Variants in INPP5K observed in about 807,000 individuals in gnomAD.
INPP5K encodes the protein inositol polyphosphate-5-phosphatase K.
A neutral mutation model predicts 53.5 loss-of-function variants in INPP5K; 35 were observed. The ratio of observed to expected loss-of-function variants is 0.65; its 90% CI spans 0.50 to 0.87. The LOEUF (loss-of-function observed/expected upper bound fraction) is 0.87. Ranked by LOEUF, INPP5K falls within the 40% of genes least tolerant of loss-of-function variation. INPP5K has a pLI of 0.00. For missense variants in INPP5K, 550 were observed against 586.2 expected (o/e 0.94, Z 0.64); for synonymous variants, 253 against 232.8 (o/e 1.09, Z -0.79).
chr17:1,495,922 C>T (rs778357769), intron 11 of INPP5K, 43 bp from the exon 12 acceptor site: 9 of 1,546,832 alleles, frequency 5.8e-6, no homozygotes, highest in Admixed American at 5.1e-5. Context: ...AGCGGGTCTT[C>T]CTCCGTGCTT....
At chr17:1,501,173 TG>T (rs2075003359) in intron 7 of INPP5K, among the ~76,000 whole-genome samples, 1 of 152,106 alleles carries the variant, frequency 6.6e-6, no homozygotes, top group Non-Finnish European at 1.5e-5. Context: ...CTGGCCAGGC[TG>T]GTCTTGAACT....
rs186508346 is a variant in INPP5K at position 1,501,104 on chromosome 17, G to A, written c.777-2982C>T. On this transcript the variant is annotated intron_variant, in intron 7 of 11. Coordinates refer to ENST00000421807, the MANE Select transcript of INPP5K (RefSeq NM_016532.4). ...CTCCCAAGTAGCTGGGATTATAGGC[G>A]TTGAGCCACCATGCCCAGCTAATTT... Among the ~76,000 whole-genome samples, 6 of 151,948 alleles carry A rather than the reference G, an allele frequency of 3.9e-5. No individual in the cohort carries two copies. In the East Asian group the frequency reaches 5.8e-4, roughly 15 times the overall value.
At chr17:1,512,544 G>T (rs142879527) in intron 3 of INPP5K, among the ~76,000 whole-genome samples, 2 of 152,310 alleles carry the variant, frequency 1.3e-5, no homozygotes, top group South Asian at 2.1e-4. Context: ...AGTCATCCAG[G>T]AAGGGGAAAG....
chr17:1,502,063 CAT>C (rs2075030350), intron 7 of INPP5K, among the ~76,000 whole-genome samples: 2 of 136,824 alleles, frequency 1.5e-5, no homozygotes, highest in African/African-American at 2.7e-5. Flanking sequence ...AACAAACAAA[CAT>C]AGGGCCAGGC....
chr17:1,511,451 C>T (rs1410940029), intron 3 of INPP5K, among the ~76,000 whole-genome samples: 1 of 152,128 alleles, frequency 6.6e-6, no homozygotes, highest in Non-Finnish European at 1.5e-5. Context: ...GTGTGGAGGC[C>T]AAGGAGGAAA....
Sources: allele counts gnomAD v4.1 joint callset (sites outside exome capture counted in the v4.1 genomes callset), GRCh38; gene constraint gnomAD v4.1.1; transcripts MANE v1.5; gene names NCBI Gene and HGNC (gene_info 2026-07-23, HGNC 2026-07-21).